Variants in PTPRD observed in about 807,000 individuals in gnomAD.
The protein encoded by PTPRD is receptor-type tyrosine-protein phosphatase delta.
PTPRD carries 34 observed loss-of-function variants against 214.5 expected under a neutral mutation model. The ratio of observed to expected loss-of-function variants is 0.16; its 90% CI spans 0.12 to 0.21. The LOEUF (loss-of-function observed/expected upper bound fraction) is 0.21. Ranked by LOEUF, PTPRD falls within the 10% of genes least tolerant of loss-of-function variation. PTPRD has a pLI of 1.00. For missense variants in PTPRD, 2,545 were observed against 2,398.7 expected (o/e 1.06, Z -1.27); for synonymous variants, 1,128 against 845.7 (o/e 1.33, Z -5.79).
At chr9:9,059,453 AT>A (rs1172899254) in intron 10 of PTPRD, among the ~76,000 whole-genome samples, 2 of 152,336 alleles carry the variant, frequency 1.3e-5, no homozygotes, top group African/African-American at 2.4e-5. Context: ...GTATATAGAA[AT>A]CAAAAACAAA....
intron 6 of PTPRD, among the ~76,000 whole-genome samples, chr9:9,762,551 C>A (rs2098668034): frequency 6.6e-6 from 1 of 152,146 alleles, no homozygotes. Flanking sequence ...GCTCAGAAAC[C>A]TCCTCAGCTA....
At chr9:8,588,672 C>T (rs2093861779) in intron 14 of PTPRD, among the ~76,000 whole-genome samples, 1 of 152,152 alleles carries the variant, frequency 6.6e-6, no homozygotes, top group Admixed American at 6.5e-5. Flanking sequence ...CCTGTGCATA[C>T]ACGTACCAAG....
intron 12 of PTPRD, among the ~76,000 whole-genome samples, chr9:8,679,093 A>C (rs529867804): frequency 6.6e-6 from 1 of 152,310 alleles, no homozygotes; most frequent in South Asian, 2.1e-4. Context: ...GGAAGGTGGT[A>C]GTACAGGAAT....
intron 3 of PTPRD, among the ~76,000 whole-genome samples, chr9:10,291,102 T>C (rs1396993946): frequency 1.3e-5 from 2 of 151,798 alleles, no homozygotes; most frequent in African/African-American, 2.4e-5. Flanking sequence ...TCTTGAGATA[T>C]GAAGAAAAAC....
chr9:8,482,192 C>T (rs535949127), intron 30 of PTPRD, among the ~76,000 whole-genome samples: 1 of 152,062 alleles, frequency 6.6e-6, no homozygotes, highest in South Asian at 2.1e-4. Flanking sequence ...TTTTTTTATC[C>T]TTTAGGATGA....
chr9:8,742,013 A>G (rs558668872), intron 11 of PTPRD, among the ~76,000 whole-genome samples: 24 of 152,216 alleles, frequency 1.6e-4, no homozygotes, highest in Admixed American at 3.9e-4. Context: ...GAGTATCACC[A>G]TAAGCCTAAT....
chr9:9,435,638 G>A (rs2084940614), intron 8 of PTPRD, among the ~76,000 whole-genome samples: 1 of 151,988 alleles, frequency 6.6e-6, no homozygotes, highest in African/African-American at 2.4e-5. Context: ...TTTCCAGCAA[G>A]CACATGTAAG....
intron 8 of PTPRD, among the ~76,000 whole-genome samples, chr9:9,467,588 C>CACCAAAAAAAAAAAAAAAAAAA (rs2094286804): frequency 1.8e-5 from 1 of 55,954 alleles, no homozygotes; most frequent in Admixed American, 3.2e-4. Context: ...CTCCATCTCC[C>CACCAAAAAAAAAAAAAAAAAAA]AAAAAAAAAA....
chr9:8,721,468 T>TTATTCAAG (rs1238307149), intron 12 of PTPRD, among the ~76,000 whole-genome samples: 1 of 151,540 alleles, frequency 6.6e-6, no homozygotes, highest in Non-Finnish European at 1.5e-5. Flanking sequence ...GTTTAAATCA[T>TTATTCAAG]TATTCAAGTA....
rs13286890 is a variant in PTPRD, at chr9:10,262,028, A to G, written c.-545+78935T>C. Among the ~76,000 whole-genome samples, 1,168 of 152,288 alleles carry G rather than the reference A, an allele frequency of 7.7e-3. 6 individuals carry two copies. Among genetic ancestry groups the G allele is most frequent in the Non-Finnish European group, 0.013 (898 of 68,002 alleles). Reference sequence around the variant, plus strand: ...ATATTTGATTGCCCCACAATCAAAGAGAGAAGATAATCAAAGGCCGAAGAT... The same window carrying G: ...ATATTTGATTGCCCCACAATCAAAGGGAGAAGATAATCAAAGGCCGAAGAT... On this transcript the variant is annotated intron_variant, in intron 3 of 45. Transcript: ENST00000381196.
At position 8,493,122 on chromosome 9, in the gene PTPRD, T is replaced by A. The variant is rs772803886; in HGVS notation, c.2350-143A>T. On this transcript the variant is annotated intron_variant, in intron 26 of 45. Coordinates refer to ENST00000381196, the MANE Select transcript of PTPRD (RefSeq NM_002839.4). ...AGCCCTGGAAATTTCATGCCTGAGCTCATGCTATGGAGATCTGTTTTCATG... is the reference window on the plus strand; with the variant it reads ...AGCCCTGGAAATTTCATGCCTGAGCACATGCTATGGAGATCTGTTTTCATG... The A allele has an allele frequency of 4.6e-5, 30 of 656,958 alleles. 1 individual carries two copies. The highest frequency in any genetic ancestry group is 7.2e-5 in the Non-Finnish European group (27 of 372,474). The allele number at this position is 656,958 out of a possible 1,614,324, so 40.7% of individuals were successfully genotyped here.
chr9:9,239,235 A>G (rs2099969042), intron 9 of PTPRD, among the ~76,000 whole-genome samples: 1 of 151,708 alleles, frequency 6.6e-6, no homozygotes, highest in African/African-American at 2.4e-5. Context: ...GTCAAAAAGG[A>G]AAAGTAGAAA....
intron 2 of PTPRD, among the ~76,000 whole-genome samples, chr9:10,454,825 A>ACACATG (rs993943323): frequency 6.6e-6 from 1 of 151,716 alleles, no homozygotes; most frequent in Non-Finnish European, 1.5e-5. Flanking sequence ...ACACACACAC[A>ACACATG]CACATGCACA....
chr9:9,662,589 T>C (rs573674239), intron 7 of PTPRD, among the ~76,000 whole-genome samples: 46 of 151,784 alleles, frequency 3.0e-4, no homozygotes, highest in African/African-American at 1.1e-3. Context: ...AGTATCAACA[T>C]GAAAAGGCTA....
chr9:10,251,973 G>A (rs1004817657), intron 3 of PTPRD, among the ~76,000 whole-genome samples: 1 of 152,098 alleles, frequency 6.6e-6, no homozygotes, highest in Non-Finnish European at 1.5e-5. Flanking sequence ...TTCTAAAAGA[G>A]TAGTTTGTAA....
chr9:10,059,206 C>A (rs1000802475), intron 3 of PTPRD, among the ~76,000 whole-genome samples: 10 of 152,150 alleles, frequency 6.6e-5, no homozygotes, highest in Admixed American at 5.2e-4. Context: ...TGAGCCTGAA[C>A]TGGAAAAGGG....
At chr9:9,758,625 G>A (rs1227469576) in intron 6 of PTPRD, among the ~76,000 whole-genome samples, 1 of 152,038 alleles carries the variant, frequency 6.6e-6, no homozygotes, top group East Asian at 1.9e-4. Flanking sequence ...ACATATGGAA[G>A]GACTGTGTCC....
chr9:9,684,648 A>G (rs1564529979), intron 7 of PTPRD, among the ~76,000 whole-genome samples: 1 of 151,574 alleles, frequency 6.6e-6, no homozygotes, highest in Non-Finnish European at 1.5e-5. Context: ...TTAGCAATAG[A>G]CAAATTTGTT....
chr9:8,621,201 G>C (rs1001643758), intron 14 of PTPRD, among the ~76,000 whole-genome samples: 5 of 151,772 alleles, frequency 3.3e-5, no homozygotes, highest in Non-Finnish European at 7.4e-5. Flanking sequence ...TTCTGAGAGA[G>C]ATTTTCTGGC....
Sources: allele counts gnomAD v4.1 joint callset (sites outside exome capture counted in the v4.1 genomes callset), GRCh38; gene constraint gnomAD v4.1.1; transcripts MANE v1.5; gene names NCBI Gene and HGNC (gene_info 2026-07-23, HGNC 2026-07-21).